The following MYO1B variants were observed in gnomAD, a reference collection of about 807,000 sequenced individuals.
MYO1B encodes the protein unconventional myosin-Ib.
In MYO1B, 72 loss-of-function variants were observed where a neutral mutation model predicts 159.7. The observed-to-expected ratio is 0.45, with a 90% CI of 0.37 to 0.55. The LOEUF (loss-of-function observed/expected upper bound fraction) is 0.55, where lower values mean the gene tolerates loss of function less well. MYO1B is among the 20% of genes least tolerant of loss of function. The probability of loss-of-function intolerance (pLI) is 0.00; values close to 1 mark genes in which losing one functional copy is unlikely to be tolerated. For missense variants in MYO1B, 1,062 were observed against 1,364.8 expected (o/e 0.78, Z 3.50); for synonymous variants, 468 against 473.8 (o/e 0.99, Z 0.16).
At chr2:191,370,534 G>A (rs1031354257) in intron 13 of MYO1B, among the ~76,000 whole-genome samples, 1 of 151,982 alleles carries the variant, frequency 6.6e-6, no homozygotes, top group Non-Finnish European at 1.5e-5. Flanking sequence ...TGTGGTGTGC[G>A]TATGCTGAGA....
chr2:191,301,467 G>A (rs115757627), intron 3 of MYO1B, among the ~76,000 whole-genome samples: 83 of 152,252 alleles, frequency 5.5e-4, no homozygotes, highest in African/African-American at 1.9e-3. Context: ...GACACCACAA[G>A]TGGAAAACAC....
At chr2:191,277,088 C>T in intron 2 of MYO1B, 58 bp downstream of exon 2, 1 of 1,566,558 alleles carries the variant, frequency 6.4e-7, no homozygotes, top group East Asian at 2.3e-5. Context: ...TGCCAGAGAG[C>T]TGTCTTTTCT....
intron 30 of MYO1B, among the ~76,000 whole-genome samples, chr2:191,422,467 A>G (rs922639018): frequency 2.0e-5 from 3 of 152,212 alleles, no homozygotes; most frequent in Non-Finnish European, 4.4e-5. Context: ...AGTGGTCCAC[A>G]TGATACACTG....
chr2:191,362,268 A>G lies in MYO1B; in HGVS notation c.662A>G (p.Asn221Ser). The stretch of plus-strand genomic sequence containing the variant: ...ACAACTTGTGTCTTTGATTCAATAG[A>G]TAAACTTAAGCTTGAGAGGGATTTC... ...LLSGASEELL[N>S]KLKLERDFSR... is the part of the protein sequence containing the mutation. Residue 221 changes from asparagine to serine, a missense_variant and splice_region_variant, in exon 9 of 31, where the codon AAT (asparagine) becomes AGT (serine). Coordinates refer to ENST00000392318, the MANE Select transcript of MYO1B (RefSeq NM_001130158.3). 4 of 1,612,762 alleles carry G rather than the reference A, an allele frequency of 2.5e-6. No individual in the cohort carries two copies. The highest frequency in any genetic ancestry group is 2.2e-5 in the East Asian group (1 of 44,856).
At chr2:191,339,827 T>G (rs1692096334) in intron 4 of MYO1B, among the ~76,000 whole-genome samples, 1 of 152,170 alleles carries the variant, frequency 6.6e-6, no homozygotes, top group Admixed American at 6.5e-5. Flanking sequence ...GGTTGATGCT[T>G]TTAGGTTGCG....
At chr2:191,371,774 C>T (rs765134505) in intron 13 of MYO1B, among the ~76,000 whole-genome samples, 2 of 152,188 alleles carry the variant, frequency 1.3e-5, no homozygotes, top group Non-Finnish European at 2.9e-5. Context: ...CTTGTCATTA[C>T]TCCAAGCTCC....
At chr2:191,263,278 T>C (rs1686933578) in intron 1 of MYO1B, 2 of 977,634 alleles carry the variant, frequency 2.0e-6, no homozygotes, top group African/African-American at 1.8e-5. Context: ...ATATTTGTTG[T>C]ACTTAGTGTG....
chr2:191,328,115 T>G (rs537093327), intron 3 of MYO1B, among the ~76,000 whole-genome samples: 4 of 152,218 alleles, frequency 2.6e-5, no homozygotes, highest in Non-Finnish European at 5.9e-5. Context: ...TGTCATCTCT[T>G]AAGACCATGT....
At chr2:191,403,444 C>A (rs1160239068) in intron 24 of MYO1B, among the ~76,000 whole-genome samples, 1 of 152,148 alleles carries the variant, frequency 6.6e-6, no homozygotes, top group African/African-American at 2.4e-5. Flanking sequence ...TCTGATCTTC[C>A]AAATTCAATA....
At chr2:191,371,413 T>C (rs1694355414) in intron 13 of MYO1B, among the ~76,000 whole-genome samples, 1 of 152,178 alleles carries the variant, frequency 6.6e-6, no homozygotes, top group Non-Finnish European at 1.5e-5. Context: ...TAAGTACTAA[T>C]TGAGGGCCGA....
chr2:191,410,792 G>A (rs1292014461), intron 26 of MYO1B, among the ~76,000 whole-genome samples: 1 of 152,144 alleles, frequency 6.6e-6, no homozygotes, highest in Non-Finnish European at 1.5e-5. Flanking sequence ...TTGACATAGT[G>A]GGAGGAAATA....
intron 3 of MYO1B, among the ~76,000 whole-genome samples, chr2:191,300,108 A>C (rs1474123310): frequency 6.6e-6 from 1 of 152,186 alleles, no homozygotes; most frequent in Non-Finnish European, 1.5e-5. Flanking sequence ...ATTTTGAAAC[A>C]GGGTCAATGC....
chr2:191,314,226 C>T (rs1705636025), intron 3 of MYO1B, among the ~76,000 whole-genome samples: 1 of 152,152 alleles, frequency 6.6e-6, no homozygotes, highest in South Asian at 2.1e-4. Context: ...AGAAGTAAAA[C>T]TGTTCATCCA....
chr2:191,404,227 TC>T (rs1304979719), intron 24 of MYO1B, among the ~76,000 whole-genome samples: 1 of 152,130 alleles, frequency 6.6e-6, no homozygotes, highest in Non-Finnish European at 1.5e-5. Flanking sequence ...TTTTTAAGAC[TC>T]CCAGTTCCCC....
chr2:191,414,429 G>T, intron 28 of MYO1B, 88 bp from the exon 29 acceptor site: 1 of 1,277,852 alleles, frequency 7.8e-7, no homozygotes, highest in Non-Finnish European at 1.1e-6. Flanking sequence ...AAGGATATTG[G>T]AATTTTTGCA....
intron 24 of MYO1B, chr2:191,407,599 T>G (rs1423158914): frequency 1.3e-5 from 2 of 152,192 alleles, no homozygotes; most frequent in African/African-American, 2.4e-5. Flanking sequence ...GTAGAGATGA[T>G]AGAGAAGAAT....
chr2:191,297,923 G>A (rs887389563), intron 3 of MYO1B, among the ~76,000 whole-genome samples: 16 of 152,148 alleles, frequency 1.1e-4, no homozygotes, highest in African/African-American at 2.9e-4. Context: ...ACAGTAAAGC[G>A]TTGTCTGTTA....
chr2:191,369,957 G>T (rs1489625123), intron 12 of MYO1B, among the ~76,000 whole-genome samples: 1 of 152,108 alleles, frequency 6.6e-6, no homozygotes, highest in Non-Finnish European at 1.5e-5. Flanking sequence ...ACTAGGTCAT[G>T]ATCTAATCAT....
intron 7 of MYO1B, among the ~76,000 whole-genome samples, chr2:191,353,492 C>G (rs1332889609): frequency 6.6e-6 from 1 of 152,158 alleles, no homozygotes; most frequent in Non-Finnish European, 1.5e-5. Context: ...GTGCATACAC[C>G]TGAGCGAACT....
Sources: gnomAD v4.1 joint callset for allele counts (sites outside exome capture counted in the v4.1 genomes callset) on GRCh38, gnomAD v4.1.1 for gene constraint, MANE v1.5 for transcripts, NCBI Gene and HGNC (gene_info 2026-07-23, HGNC 2026-07-21) for gene names.